The following UNC13C variants were observed in gnomAD, a reference collection of about 807,000 sequenced individuals.
UNC13C encodes the protein protein unc-13 homolog C.
In UNC13C, 174 loss-of-function variants were observed where a neutral mutation model predicts 245.4. That is an observed-to-expected ratio of 0.71 (90% CI 0.63 to 0.80). UNC13C has a LOEUF of 0.80. Among genes scored for constraint, UNC13C ranks in the 30% least tolerant of loss-of-function variants. The pLI is 0.00. For synonymous variants in UNC13C, 992 were observed against 895.1 expected (o/e 1.11, Z -1.93); for missense variants, 2,829 against 2,602.9 (o/e 1.09, Z -1.89).
At chr15:54,083,717 A>G (rs1056384609) in intron 2 of UNC13C, among the ~76,000 whole-genome samples, 1 of 152,118 alleles carries the variant, frequency 6.6e-6, no homozygotes, top group African/African-American at 2.4e-5. Flanking sequence ...AGCCTACACC[A>G]AGGGTTAGAT....
In UNC13C at chr15:54,161,411, C is replaced by T. The variant is rs114134060; in HGVS notation, c.3071+17727C>T. Among the ~76,000 whole-genome samples the T allele has an allele frequency of 3.2e-3, 484 of 152,114 alleles. 1 individual carries two copies. The highest frequency in any genetic ancestry group is 0.011 in the African/African-American group (452 of 41,502). ...ACATCGTTTGACAGTGGTACAAGTC[C>T]GCTATTTGACAGTGGTAGGCCAATG... is the stretch of plus-strand genomic sequence containing the variant. On this transcript the variant is annotated intron_variant, in intron 4 of 32. Transcript: ENST00000260323.
chr15:53,855,610 C>G, the UNC13C span, among the ~76,000 whole-genome samples: 1 of 152,064 alleles, frequency 6.6e-6, no homozygotes, highest in Non-Finnish European at 1.5e-5. Context: ...ATTGATCTGC[C>G]TATGTTAAAC....
At chr15:54,053,043 G>T (rs1897339107) in intron 2 of UNC13C, among the ~76,000 whole-genome samples, 1 of 152,096 alleles carries the variant, frequency 6.6e-6, no homozygotes, top group Non-Finnish European at 1.5e-5. Flanking sequence ...GCCCAGGCTG[G>T]AGTACAGTGG....
At chr15:54,308,171 C>T (rs2037775289) in intron 13 of UNC13C, among the ~76,000 whole-genome samples, 2 of 151,888 alleles carry the variant, frequency 1.3e-5, no homozygotes, top group Non-Finnish European at 2.9e-5. Flanking sequence ...TGATTTCGGA[C>T]ACCTGTCCCT....
At chr15:54,429,328 A>C (rs2040820494) in intron 19 of UNC13C, among the ~76,000 whole-genome samples, 1 of 151,788 alleles carries the variant, frequency 6.6e-6, no homozygotes, top group Non-Finnish European at 1.5e-5. Context: ...GAAATTCCTG[A>C]GGACAAGTTA....
chr15:54,025,314 C>G (rs917070523), intron 2 of UNC13C, among the ~76,000 whole-genome samples: 1 of 152,190 alleles, frequency 6.6e-6, no homozygotes, highest in Admixed American at 6.5e-5. Context: ...CACACAAACA[C>G]ATACTTTCTT....
the UNC13C span, among the ~76,000 whole-genome samples, chr15:53,935,542 T>C: frequency 6.6e-6 from 1 of 152,210 alleles, no homozygotes; most frequent in Admixed American, 6.5e-5. Flanking sequence ...GATGGCCTAT[T>C]TGGAAGCAGA....
At chr15:54,218,591 T>C (rs1239280620) in intron 4 of UNC13C, among the ~76,000 whole-genome samples, 1 of 151,944 alleles carries the variant, frequency 6.6e-6, no homozygotes, top group Non-Finnish European at 1.5e-5. Flanking sequence ...AGATGAGCTA[T>C]GAGGGGGCAA....
intron 19 of UNC13C, among the ~76,000 whole-genome samples, chr15:54,479,832 G>A (rs1213100626): frequency 1.3e-5 from 2 of 151,818 alleles, no homozygotes; most frequent in African/African-American, 4.8e-5. Flanking sequence ...TTTCTTGTAA[G>A]GCCTGTGTAG....
At chr15:54,458,615 A>C (rs1891661724) in intron 19 of UNC13C, among the ~76,000 whole-genome samples, 1 of 149,544 alleles carries the variant, frequency 6.7e-6, no homozygotes, top group South Asian at 2.1e-4. Context: ...ATTTCCTATT[A>C]GACTAACCCT....
chr15:54,091,121 C>G (rs1179219977), intron 2 of UNC13C, among the ~76,000 whole-genome samples: 1 of 152,022 alleles, frequency 6.6e-6, no homozygotes, highest in Non-Finnish European at 1.5e-5. Context: ...AGTGGGGTTC[C>G]CCTGCCTTCT....
At chr15:54,052,434 A>C (rs1897312175) in intron 2 of UNC13C, among the ~76,000 whole-genome samples, 1 of 151,020 alleles carries the variant, frequency 6.6e-6, no homozygotes, top group Non-Finnish European at 1.5e-5. Context: ...TTGTTTCCTG[A>C]CTTTTTAATG....
At chr15:54,379,658 C>A (rs1174419126) in intron 17 of UNC13C, among the ~76,000 whole-genome samples, 3 of 152,012 alleles carry the variant, frequency 2.0e-5, no homozygotes, top group Non-Finnish European at 2.9e-5. Context: ...GCTCTAAAAT[C>A]AACTGTATTT....
intron 30 of UNC13C, among the ~76,000 whole-genome samples, chr15:54,574,634 A>T (rs1166780457): frequency 3.3e-5 from 5 of 152,198 alleles, no homozygotes; most frequent in African/African-American, 1.2e-4. Flanking sequence ...AAAGCTTTAC[A>T]CAGAAAAGGG....
intron 18 of UNC13C, among the ~76,000 whole-genome samples, chr15:54,410,079 G>A (rs573373236): frequency 6.6e-5 from 10 of 152,278 alleles, no homozygotes; most frequent in Non-Finnish European, 1.3e-4. Context: ...TGACCAATGT[G>A]AGATAATATC....
rs1386457927 is a variant in UNC13C at position 54,393,218 on chromosome 15, C to T, written c.4847+37C>T. On this transcript the variant is annotated intron_variant, in intron 18 of 32. Transcript: ENST00000260323. Reference sequence around the variant, plus strand: ...GTTTTGGAAATGAATGGATTTTATTCCACTAAAGTTCAAATAATACATATT... The same window carrying T: ...GTTTTGGAAATGAATGGATTTTATTTCACTAAAGTTCAAATAATACATATT... 5 of 1,455,652 alleles carry T rather than the reference C, an allele frequency of 3.4e-6. No individual in the cohort carries two copies. In the African/African-American group the frequency reaches 5.8e-5, roughly 17 times the overall value. 90.2% of individuals were successfully genotyped at this position (1,455,652 alleles called of 1,614,324 possible). A position where few individuals can be genotyped will look rare whatever the true frequency, so the allele number is the denominator to read the frequency against.
intron 7 of UNC13C, among the ~76,000 whole-genome samples, chr15:54,238,471 A>T (rs995822015): frequency 5.3e-5 from 8 of 152,130 alleles, no homozygotes. Context: ...TAGAATTATT[A>T]TATCCCACAG....
the UNC13C span, among the ~76,000 whole-genome samples, chr15:53,921,533 C>G: frequency 6.6e-6 from 1 of 152,146 alleles, no homozygotes; most frequent in Admixed American, 6.5e-5. Flanking sequence ...AGTCAAATTG[C>G]GTAAGCATCT....
At chr15:54,248,911 T>C (rs886182346) in intron 7 of UNC13C, among the ~76,000 whole-genome samples, 6 of 152,238 alleles carry the variant, frequency 3.9e-5, no homozygotes, top group Admixed American at 3.9e-4. Flanking sequence ...AAATATGCTG[T>C]TACCATACTG....
Sources: gnomAD v4.1 joint callset for allele counts (sites outside exome capture counted in the v4.1 genomes callset) on GRCh38, gnomAD v4.1.1 for gene constraint, MANE v1.5 for transcripts, NCBI Gene and HGNC (gene_info 2026-07-23, HGNC 2026-07-21) for gene names.